Variants in ACSM2B observed in about 807,000 individuals in gnomAD.
ACSM2B encodes acyl-coenzyme A synthetase ACSM2B, mitochondrial.
In ACSM2B, 58 loss-of-function variants were observed where a neutral mutation model predicts 78.6. The observed-to-expected ratio is 0.74, with a 90% CI of 0.60 to 0.92. ACSM2B has a LOEUF of 0.92. Among genes scored for constraint, ACSM2B ranks in the 40% least tolerant of loss-of-function variants. The pLI is 0.00. For missense variants in ACSM2B, 688 were observed against 711.2 expected (o/e 0.97, Z 0.37); for synonymous variants, 257 against 256.8 (o/e 1.00, Z -0.01).
chr16:20,552,176 A>G lies in ACSM2B; in HGVS notation c.862T>C (p.Leu288=), dbSNP rs750449005. The change falls in exon 6 of 14, where the codon TTG becomes CTG. Residue 288 remains leucine (L), a synonymous_variant. Transcript: ENST00000329697. Reference sequence around the variant, plus strand: ...ATAACCAGTGGGTCAAACTTTGGCAAGAGATGAACAAATGTGCATGCTCCT... The same window carrying G: ...ATAACCAGTGGGTCAAACTTTGGCAGGAGATGAACAAATGTGCATGCTCCT... ...TLGACTFVHL[L]PKFDPLVILK... is the part of the protein sequence containing the mutation. The G allele has an allele frequency of 1.5e-5, 24 of 1,613,480 alleles. No individual in the cohort carries two copies. The highest frequency in any genetic ancestry group is 2.0e-5 in the Non-Finnish European group (24 of 1,179,682).
In ACSM2B at chr16:20,566,669, G is replaced by GTATA. The variant is rs1220682934; in HGVS notation, c.-8-1820_-8-1817dup. On this transcript the variant is annotated intron_variant, in intron 1 of 13. Transcript: ENST00000329697. ...ACTATACTATATATATGTATATATA[G>GTATA]TATATACATATAGTATATACTATAT... 3.8e-3 allele frequency among the ~76,000 whole-genome samples: 108 copies of GTATA among 28,244 alleles called. 16 individuals carry two copies. Among genetic ancestry groups the GTATA allele is most frequent in the African/African-American group, 0.028 (93 of 3,266 alleles). The allele number at this position is 28,244 out of a possible 152,430, so 18.5% of individuals were successfully genotyped here.
rs1193351559 is a variant in ACSM2B at position 20,543,147 on chromosome 16, A to G, written c.1397T>C (p.Ile466Thr). Residue 466 changes from isoleucine to threonine, a missense_variant, in exon 11 of 14, where the codon ATT becomes ACT. Physicochemically the swap from Ile to Thr is moderately conservative, Grantham distance 89. Transcript: ENST00000329697. ...FQFMGRADDI[I>T]NSSGYRIGPS... ...AAACCAAGCTCACCCGCTGGAGTTA[A>G]TGATATCATCTGCCCGTCCCATAAA... The G allele has an allele frequency of 1.2e-6, 2 of 1,613,872 alleles. No homozygotes were observed. The highest frequency in any genetic ancestry group is 1.7e-6 in the Non-Finnish European group (2 of 1,179,876).
chr16:20,545,127 G>T, intron 10 of ACSM2B, 30 bp downstream of exon 10: 5 of 1,598,222 alleles, frequency 3.1e-6, no homozygotes, highest in Non-Finnish European at 4.3e-6. Context: ...CCTCACTGGG[G>T]AACAGAGGAG....
At chr16:20,550,142 A>T (rs1257565906) in intron 6 of ACSM2B, among the ~76,000 whole-genome samples, 2 of 152,166 alleles carry the variant, frequency 1.3e-5, no homozygotes, top group African/African-American at 4.8e-5. Context: ...GAGGAAGTCC[A>T]TTCAGATGGT....
Position 20,540,763 on chromosome 16 carries a change from G to A in ACSM2B, c.1520C>T (p.Ala507Val). The change falls in exon 13 of 14, where the codon GCA becomes GTA. Residue 507 changes from alanine to valine, a missense_variant. Physicochemically the swap from Ala to Val is moderately conservative, Grantham distance 64. Coordinates refer to ENST00000329697, the MANE Select transcript of ACSM2B (RefSeq NM_001105069.2). ...GAACTGCGAGGCCAGGATCACAAATGCCTTCACCACCTGCAAAATAGATGA... is the reference window on the plus strand; with the variant it reads ...GAACTGCGAGGCCAGGATCACAAATACCTTCACCACCTGCAAAATAGATGA... ...PDPVRGEVVK[A>V]FVILASQFLS... The A allele has an allele frequency of 6.2e-7, 1 of 1,613,812 alleles. No homozygotes were observed. Among genetic ancestry groups the A allele is most frequent in the Non-Finnish European group, 8.5e-7 (1 of 1,179,818 alleles).
intron 9 of ACSM2B, among the ~76,000 whole-genome samples, chr16:20,545,624 A>C (rs1387874304): frequency 6.6e-6 from 1 of 152,214 alleles, no homozygotes; most frequent in Non-Finnish European, 1.5e-5. Flanking sequence ...CTGACTTTGA[A>C]CTACTTAAAC....
rs67653970 is a variant in ACSM2B at position 20,561,684 on chromosome 16, C to CT, written c.178-2238dup. ...CTCACATTGAAAAATACAATAATCTCTTTTTTTTTTGGTTGGATTTGCCTG... is the reference window on the plus strand; with the variant it reads ...CTCACATTGAAAAATACAATAATCTCTTTTTTTTTTTGGTTGGATTTGCCTG... On this transcript the variant is annotated intron_variant, in intron 2 of 13. Transcript: ENST00000329697. Among the ~76,000 whole-genome samples, 1,010 of 148,666 alleles carry CT rather than the reference C, an allele frequency of 6.8e-3. 9 individuals carry two copies. The highest frequency in any genetic ancestry group is 0.02 in the African/African-American group (830 of 40,634).
intron 5 of ACSM2B, among the ~76,000 whole-genome samples, chr16:20,553,356 G>A (rs1312299868): frequency 6.6e-6 from 1 of 152,150 alleles, no homozygotes; most frequent in Non-Finnish European, 1.5e-5. Flanking sequence ...TGAGATCTTT[G>A]TTCACAAATT....
At position 20,545,612 on chromosome 16, in the gene ACSM2B, AG is replaced by A. The variant is rs563632669; in HGVS notation, c.1180-355del. On this transcript the variant is annotated intron_variant, in intron 9 of 13. Coordinates refer to ENST00000329697, the MANE Select transcript of ACSM2B (RefSeq NM_001105069.2). ...CTCAAATTTACTCTGCTACCTTACT[AG>A]CTGACTTTGAACTACTTAAACTCTT... is the stretch of plus-strand genomic sequence containing the variant. Among the ~76,000 whole-genome samples the A allele has an allele frequency of 1.4e-3, 207 of 152,308 alleles. No individual in the cohort carries two copies. The South Asian group carries it at 0.041, about 30-fold the overall frequency.
intron 9 of ACSM2B, among the ~76,000 whole-genome samples, 161 bp downstream of exon 9, chr16:20,546,233 C>T (rs1028925255): frequency 3.3e-5 from 5 of 152,100 alleles, no homozygotes; most frequent in African/African-American, 1.2e-4. Flanking sequence ...TTCCTTCCCT[C>T]ACTCTCTCCT....
chr16:20,574,929 C>T (rs1182691286), intron 1 of ACSM2B, among the ~76,000 whole-genome samples: 3 of 148,072 alleles, frequency 2.0e-5, no homozygotes, highest in African/African-American at 7.9e-5. Context: ...GAGCAACCAA[C>T]CAGCTTCATT....
chr16:20,574,738 C>A (rs1242841848), intron 1 of ACSM2B: 2 of 149,122 alleles, frequency 1.3e-5, no homozygotes, highest in Non-Finnish European at 2.9e-5. Context: ...TGCAGGTCAG[C>A]CACTAACATG....
At chr16:20,542,641 G>T (rs898011946) in intron 12 of ACSM2B, 2 of 450,102 alleles carry the variant, frequency 4.4e-6, no homozygotes, top group Non-Finnish European at 7.9e-6. Context: ...GGATCATATG[G>T]TAGTTCTGTT....
At chr16:20,539,123 G>T (rs1296174034) in intron 13 of ACSM2B, among the ~76,000 whole-genome samples, 3 of 149,816 alleles carry the variant, frequency 2.0e-5, no homozygotes, top group African/African-American at 7.4e-5. Context: ...CCATGGGATT[G>T]GCTGGAGTTC....
chr16:20,548,160 A>C lies in ACSM2B; in HGVS notation c.1000T>G (p.Cys334Gly), dbSNP rs753389371. ...AGAAGGGACTCCCCTCCAGCGAGGC[A>C]GTTCTGTAGATGGGGGAACTTGTAA... The part of the protein sequence containing the change: ...SSYKFPHLQN[C>G]LAGGESLLPE... The change falls in exon 8 of 14, where the codon TGC becomes GGC. Residue 334 changes from cysteine to glycine, a missense_variant. Physicochemically the swap from Cys to Gly is radical, Grantham distance 159. Transcript: ENST00000329697. 2.5e-6 allele frequency: 4 copies of C among 1,614,066 alleles called. No individual in the cohort carries two copies. Among genetic ancestry groups the C allele is most frequent in the Non-Finnish European group, 3.4e-6 (4 of 1,179,934 alleles).
intron 1 of ACSM2B, chr16:20,574,339 A>G (rs1282919262): frequency 6.6e-6 from 1 of 152,258 alleles, no homozygotes; most frequent in East Asian, 1.9e-4. Flanking sequence ...TTGTTCAAAC[A>G]CACATGTTTT....
intron 3 of ACSM2B, among the ~76,000 whole-genome samples, chr16:20,556,059 T>G (rs531142828): frequency 6.7e-6 from 1 of 148,558 alleles, no homozygotes; most frequent in East Asian, 2.1e-4. Flanking sequence ...TTAAGCTAAT[T>G]CACATATCCA....
At chr16:20,541,291 C>G (rs1228994150) in intron 12 of ACSM2B, 1 of 155,584 alleles carries the variant, frequency 6.4e-6, no homozygotes. Context: ...GTGATGTGTT[C>G]TGTACGTACC....
In ACSM2B at chr16:20,559,341, T is replaced by C; in HGVS notation, c.284A>G (p.Asn95Ser). ...ELSENSQQAA[N>S]ILSGACGLQR... ...CAGGCCACAGGCTCCCGAGAGGATG[T>C]TGGCTGCCTGCTGGCTGTTTTCACT... Residue 95 changes from asparagine to serine, a missense_variant, in exon 3 of 14, where the codon AAC becomes AGC. Coordinates refer to ENST00000329697, the MANE Select transcript of ACSM2B (RefSeq NM_001105069.2). 2.5e-6 allele frequency: 4 copies of C among 1,607,424 alleles called. No homozygotes were observed. Among genetic ancestry groups the C allele is most frequent in the Admixed American group, 1.7e-5 (1 of 59,286 alleles).
Sources: gnomAD v4.1 joint callset for allele counts (sites outside exome capture counted in the v4.1 genomes callset) on GRCh38, gnomAD v4.1.1 for gene constraint, MANE v1.5 for transcripts, NCBI Gene and HGNC (gene_info 2026-07-23, HGNC 2026-07-21) for gene names.